The following POLR1B variants were observed in gnomAD, a reference collection of about 807,000 sequenced individuals.
POLR1B encodes RNA polymerase I subunit B, also known as DNA-directed RNA polymerase I subunit RPA2.
Under a neutral mutation model 105.8 loss-of-function variants are expected in POLR1B, and 30 were observed. That is an observed-to-expected ratio of 0.28 (90% CI 0.21 to 0.38). The LOEUF is 0.38. Among genes scored for constraint, POLR1B ranks in the 10% least tolerant of loss-of-function variants. The pLI, the probability that POLR1B is intolerant of heterozygous loss-of-function variation, is 1.00. For synonymous variants in POLR1B, 485 were observed against 505.1 expected (o/e 0.96, Z 0.53); for missense variants, 976 against 1,435.8 (o/e 0.68, Z 5.17).
Position 112,558,009 on chromosome 2 carries a change from T to C in POLR1B, c.1258T>C (p.Phe420Leu). The change falls in exon 8 of 15, where the codon TTT (phenylalanine) becomes CTT (leucine). Residue 420 changes from phenylalanine to leucine, a missense_variant. By Grantham distance (22) the Phe-to-Leu change is conservative. Around this residue, in one of 12 missense-constraint regions of POLR1B, gnomAD observed 452 missense variants for 616.5 expected, o/e 0.73. Transcript: ENST00000263331. Reference protein sequence around the residue: ...SMNTDNLMRIFTMGIDLTKPF... With the variant: ...SMNTDNLMRILTMGIDLTKPF... ...GAACACTGACAATTTGATGAGGATTTTTACAATGGGCATAGACCTTACAAA... is the reference window on the plus strand; with the variant it reads ...GAACACTGACAATTTGATGAGGATTCTTACAATGGGCATAGACCTTACAAA... The C allele has an allele frequency of 2.1e-6, 3 of 1,430,838 alleles. No individual in the cohort carries two copies. The highest frequency in any genetic ancestry group is 2.8e-6 in the Non-Finnish European group (3 of 1,079,630). 88.6% of individuals were successfully genotyped at this position (1,430,838 alleles called of 1,614,324 possible).
Position 112,567,998 on chromosome 2 carries a change from T to G in POLR1B, c.1778T>G (p.Met593Arg). The G allele has an allele frequency of 9.9e-6, 16 of 1,614,044 alleles. No homozygotes were observed. Among genetic ancestry groups the G allele is most frequent in the Non-Finnish European group, 1.4e-5 (16 of 1,179,974 alleles). The change falls in exon 11 of 15, where the codon ATG becomes AGG. Residue 593 changes from methionine to arginine, a missense_variant. Physicochemically the swap from Met to Arg is moderately conservative, Grantham distance 91. Transcript: ENST00000263331. ...VLREKRIPPWMEVVLIPMTGK... is the reference protein window; with the variant it reads ...VLREKRIPPWREVVLIPMTGK... The stretch of plus-strand genomic sequence containing the variant: ...AGAGAGAAAAGAATTCCTCCCTGGA[T>G]GGAAGTGGTCCTTATACCCATGACA...
intron 7 of POLR1B, among the ~76,000 whole-genome samples, chr2:112,555,786 C>T (rs1295519167): frequency 1.3e-5 from 2 of 152,190 alleles, no homozygotes; most frequent in Non-Finnish European, 2.9e-5. Flanking sequence ...TTACCAGCTA[C>T]GTTAAAGCTT....
chr2:112,542,822 G>T, intron 1 of POLR1B, 151 bp downstream of exon 1: 1 of 912,004 alleles, frequency 1.1e-6, no homozygotes, highest in Non-Finnish European at 1.6e-6. Context: ...TAAACAGGAC[G>T]CGGTACTGGC....
chr2:112,545,122 TC>T (rs1325230948), intron 1 of POLR1B, among the ~76,000 whole-genome samples: 1 of 152,164 alleles, frequency 6.6e-6, no homozygotes, highest in African/African-American at 2.4e-5. Context: ...GTTTAAAATG[TC>T]CCCCAAGCAA....
intron 5 of POLR1B, among the ~76,000 whole-genome samples, chr2:112,551,226 C>T (rs1028433246): frequency 6.6e-6 from 1 of 152,066 alleles, no homozygotes; most frequent in African/African-American, 2.4e-5. Flanking sequence ...CACTTGTGGC[C>T]CAGGGTCTCA....
chr2:112,573,525 T>C lies in POLR1B; in HGVS notation c.2272-37T>C, dbSNP rs369675287. 65 of 1,581,430 alleles carry C rather than the reference T, an allele frequency of 4.1e-5. No individual in the cohort carries two copies. In the African/African-American group the frequency reaches 7.8e-4, roughly 19 times the overall value. On this transcript the variant is annotated intron_variant, in intron 13 of 14. Transcript: ENST00000263331. ...CTAGTTTTATTTTGAAAATCCTCAA[T>C]TGGCCTCAGTCTTTTAACGATTCTT...
intron 7 of POLR1B, among the ~76,000 whole-genome samples, chr2:112,556,468 A>G (rs1293036052): frequency 1.3e-5 from 2 of 152,248 alleles, no homozygotes; most frequent in East Asian, 1.9e-4. Context: ...AAAATTTAAT[A>G]TTACTGCACC....
chr2:112,574,556 C>CA (rs1039957564), intron 14 of POLR1B, among the ~76,000 whole-genome samples: 1 of 151,282 alleles, frequency 6.6e-6, no homozygotes, highest in African/African-American at 2.4e-5. Flanking sequence ...CCTATCTCTA[C>CA]AAAAAAAATT....
Position 112,572,555 on chromosome 2 carries a change from C to A in POLR1B, c.2075-7C>A. The A allele has an allele frequency of 6.5e-7, 1 of 1,547,848 alleles. No homozygotes were observed. Among genetic ancestry groups the A allele is most frequent in the South Asian group, 1.2e-5 (1 of 81,628 alleles). On this transcript the variant is annotated splice_region_variant and splice_polypyrimidine_tract_variant and intron_variant, in intron 12 of 14. Transcript: ENST00000263331. The stretch of plus-strand genomic sequence containing the variant: ...AGAAAATGCTAAGATGTTTTTTCTC[C>A]ATGTAGGTAAGCAAACTATGGGCTT...
intron 4 of POLR1B, 103 bp downstream of exon 4, chr2:112,549,502 T>TC: frequency 1.6e-6 from 1 of 622,892 alleles, no homozygotes; most frequent in Non-Finnish European, 2.3e-6. Flanking sequence ...TTTGTTTCTT[T>TC]TTTTTTTTTT....
chr2:112,550,898 T>G lies in POLR1B; in HGVS notation c.658T>G (p.Ser220Ala), dbSNP rs147301462. 11 of 1,614,016 alleles carry G rather than the reference T, an allele frequency of 6.8e-6. No homozygotes were observed. Among genetic ancestry groups the G allele is most frequent in the Non-Finnish European group, 2.5e-6 (3 of 1,179,992 alleles). ...VSMHCVREEH[S>A]AVNMNLHYLE... is the part of the protein sequence containing the mutation. The stretch of plus-strand genomic sequence containing the variant: ...AATGCACTGTGTGAGGGAAGAACAT[T>G]CCGCTGTCAATATGAACCTCCACTA... The change falls in exon 5 of 15, where the codon TCC (serine) becomes GCC (alanine). Residue 220 changes from serine to alanine, a missense_variant. Coordinates refer to ENST00000263331, the MANE Select transcript of POLR1B (RefSeq NM_019014.6).
intron 7 of POLR1B, among the ~76,000 whole-genome samples, chr2:112,555,968 A>G (rs984984957): frequency 1.3e-5 from 2 of 152,252 alleles, no homozygotes; most frequent in Non-Finnish European, 2.9e-5. Context: ...ACCATAAAAC[A>G]CTTCAGTTAG....
intron 9 of POLR1B, 26 bp from the exon 10 acceptor site, chr2:112,564,340 A>T: frequency 6.2e-7 from 1 of 1,612,650 alleles, no homozygotes. Flanking sequence ...TTCTGATGTG[A>T]TTGTGCTGTT....
rs768656923 is a variant in POLR1B, at chr2:112,558,085, A to G, written c.1330+4A>G. 7.5e-7 allele frequency: 1 copy of G among 1,325,290 alleles called. No individual in the cohort carries two copies. The highest frequency in any genetic ancestry group is 2.8e-5 in the South Asian group (1 of 35,376). The allele number at this position is 1,325,290 out of a possible 1,614,324, so 82.1% of individuals were successfully genotyped here. Reference sequence around the variant, plus strand: ...GGGAATCTGCGTTCTAAAACAGGTAAAATTAAATCGATCGTTTTAGTTATG... The same window carrying G: ...GGGAATCTGCGTTCTAAAACAGGTAGAATTAAATCGATCGTTTTAGTTATG... On this transcript the variant is annotated splice_donor_region_variant and intron_variant, in intron 8 of 14. Coordinates refer to ENST00000263331, the MANE Select transcript of POLR1B (RefSeq NM_019014.6).
chr2:112,573,838 TTTTG>T lies in POLR1B; in HGVS notation c.2525+27_2525+30del, dbSNP rs763080305. ...TAAGTAAGTTTGGGTATCCAAGCTG[TTTTG>T]TTTTTGTTTTTGTTTTTGTTTTGAG... On this transcript the variant is annotated intron_variant, in intron 14 of 14. Coordinates refer to ENST00000263331, the MANE Select transcript of POLR1B (RefSeq NM_019014.6). The T allele has an allele frequency of 3.1e-6, 5 of 1,594,628 alleles. No individual in the cohort carries two copies. The African/African-American group carries it at 6.7e-5, about 21-fold the overall frequency.
At chr2:112,561,509 T>C in intron 9 of POLR1B, among the ~76,000 whole-genome samples, 1 of 152,084 alleles carries the variant, frequency 6.6e-6, no homozygotes, top group Non-Finnish European at 1.5e-5. Flanking sequence ...TTATTTGTAG[T>C]ACTCATCTTT....
chr2:112,548,878 C>T (rs1398104306), intron 3 of POLR1B, among the ~76,000 whole-genome samples: 1 of 152,206 alleles, frequency 6.6e-6, no homozygotes, highest in Non-Finnish European at 1.5e-5. Flanking sequence ...TCCCAAAGTG[C>T]TGTGATTACA....
chr2:112,559,233 TCAA>T, intron 8 of POLR1B, 57 bp from the exon 9 acceptor site: 2 of 1,587,246 alleles, frequency 1.3e-6, no homozygotes, highest in Non-Finnish European at 1.7e-6. Flanking sequence ...TCATAAAGCC[TCAA>T]CAATTTCCAT....
chr2:112,574,307 A>G (rs184100028), intron 14 of POLR1B, among the ~76,000 whole-genome samples: 126 of 152,306 alleles, frequency 8.3e-4, no homozygotes, highest in African/African-American at 2.9e-3. Context: ...AGGCTTTCAT[A>G]ATAATTTTTC....
Sources: allele counts gnomAD v4.1 joint callset (sites outside exome capture counted in the v4.1 genomes callset), GRCh38; gene constraint gnomAD v4.1.1; regional missense constraint gnomAD v4.1.1; transcripts MANE v1.5; gene names NCBI Gene and HGNC (gene_info 2026-07-23, HGNC 2026-07-21).